SHISA6: variants seen among roughly 807,000 people sequenced by gnomAD.
SHISA6 encodes the protein shisa family member 6, also known as protein shisa-6.
A neutral mutation model predicts 47.9 loss-of-function variants in SHISA6; 22 were observed. That is an observed-to-expected ratio of 0.46 (90% CI 0.33 to 0.66). SHISA6 has a LOEUF of 0.66. Ranked by LOEUF, SHISA6 falls within the 30% of genes least tolerant of loss-of-function variation. The pLI is 0.02. For synonymous variants in SHISA6, 388 were observed against 337.8 expected, an observed-to-expected ratio of 1.15 and a Z score of -1.63; for missense variants, 680 against 764.6, an observed-to-expected ratio of 0.89 and a Z score of 1.30.
intron 2 of SHISA6, chr17:11,289,716 A>C (rs553732023): frequency 6.6e-6 from 1 of 152,060 alleles, no homozygotes; most frequent in East Asian, 1.9e-4. Context: ...TTCTGATTCC[A>C]TTGAGTTTAT....
intron 2 of SHISA6, among the ~76,000 whole-genome samples, chr17:11,313,888 C>T (rs1857513192): frequency 1.3e-5 from 2 of 152,058 alleles, no homozygotes; most frequent in African/African-American, 4.8e-5. Flanking sequence ...TGGCCGGCCA[C>T]TGAAGGTTTT....
chr17:11,535,999 C>CAGAT (rs552766817), intron 3 of SHISA6, among the ~76,000 whole-genome samples: 1 of 151,408 alleles, frequency 6.6e-6, no homozygotes, highest in Non-Finnish European at 1.5e-5. Flanking sequence ...TCTATATATA[C>CAGAT]AGATAGATAG....
intron 2 of SHISA6, among the ~76,000 whole-genome samples, chr17:11,298,155 C>T (rs777875906): frequency 5.9e-5 from 9 of 152,286 alleles, no homozygotes; most frequent in Admixed American, 3.9e-4. Context: ...AAGTTAGTTC[C>T]TTGATAAAGA....
At chr17:11,398,618 G>T (rs1263810383) in intron 3 of SHISA6, among the ~76,000 whole-genome samples, 1 of 151,532 alleles carries the variant, frequency 6.6e-6, no homozygotes, top group Non-Finnish European at 1.5e-5. Flanking sequence ...TTTTTTGACA[G>T]ACTCTCGCTC....
rs190117630 is a variant in SHISA6, at chr17:11,294,753, C to T, written c.799+31227C>T. ...CCTTATATATACCCTGCACAAATCT[C>T]TCTTTGCTTCTTCATAATTTCACCA... On this transcript the variant is annotated intron_variant, in intron 2 of 5. Coordinates refer to ENST00000441885, the MANE Select transcript of SHISA6 (RefSeq NM_207386.4). Among the ~76,000 whole-genome samples, 389 of 152,264 alleles carry T rather than the reference C, an allele frequency of 2.6e-3. 4 individuals are homozygous for T. The highest frequency in any genetic ancestry group is 0.022 in the Admixed American group (340 of 15,288).
Position 11,433,522 on chromosome 17 carries a change from G to T in SHISA6, c.895+54013G>T, listed in dbSNP as rs148291295. Among the ~76,000 whole-genome samples the T allele has an allele frequency of 1.4e-3, 216 of 152,208 alleles. 4 individuals are homozygous for T. The East Asian group carries it at 0.037, about 26-fold the overall frequency. ...TTTGGTTCCAAGTCTTTGCTATTGT[G>T]AACAGTGCCATAATAAACATACATG... On this transcript the variant is annotated intron_variant, in intron 3 of 5. Transcript: ENST00000441885.
intron 2 of SHISA6, among the ~76,000 whole-genome samples, chr17:11,320,667 AAAAG>A (rs1910684481): frequency 1.3e-5 from 1 of 78,476 alleles, no homozygotes; most frequent in South Asian, 3.6e-4. Flanking sequence ...ACCAAAAAAA[AAAAG>A]AGAGAGAGAG....
At chr17:11,345,477 A>T (rs747300064) in intron 2 of SHISA6, among the ~76,000 whole-genome samples, 1 of 152,066 alleles carries the variant, frequency 6.6e-6, no homozygotes, top group African/African-American at 2.4e-5. Context: ...TTTTTGCCTT[A>T]TCACATGCAT....
rs1040349208 is a variant in SHISA6 at position 11,315,478 on chromosome 17, C to T, written c.799+51952C>T. Among the ~76,000 whole-genome samples, 8 of 151,968 alleles carry T rather than the reference C, an allele frequency of 5.3e-5. No individual in the cohort carries two copies. In the South Asian group the frequency reaches 1.0e-3, roughly 20 times the overall value. On this transcript the variant is annotated intron_variant, in intron 2 of 5. Transcript: ENST00000441885. ...CCTCTTTAAAAAAAGAGAAATATAG[C>T]GGTAACAGGCATCCCTTATAGAAAT...
chr17:11,349,716 T>C (rs923981368), intron 2 of SHISA6, among the ~76,000 whole-genome samples: 9 of 152,162 alleles, frequency 5.9e-5, no homozygotes, highest in African/African-American at 2.2e-4. Flanking sequence ...GTCAGTCAGC[T>C]CCACTATCTG....
At chr17:11,452,517 C>A (rs1273175677) in intron 3 of SHISA6, among the ~76,000 whole-genome samples, 2 of 152,152 alleles carry the variant, frequency 1.3e-5, no homozygotes, top group African/African-American at 4.8e-5. Context: ...ATGCTGCAGA[C>A]ACAGGTGGGG....
At chr17:11,363,170 A>T (rs1912341645) in intron 2 of SHISA6, among the ~76,000 whole-genome samples, 1 of 148,616 alleles carries the variant, frequency 6.7e-6, no homozygotes, top group Admixed American at 6.7e-5. Flanking sequence ...TCCTTTCTCC[A>T]TTCCTTCCTG....
At chr17:11,411,687 G>A (rs573043065) in intron 3 of SHISA6, among the ~76,000 whole-genome samples, 13 of 152,256 alleles carry the variant, frequency 8.5e-5, no homozygotes, top group Admixed American at 1.3e-4. Context: ...ATGAGCCACC[G>A]TGCCTGGCCT....
In SHISA6 at chr17:11,370,251, T is replaced by C. The variant is rs1912592214; in HGVS notation, c.800-9163T>C. On this transcript the variant is annotated intron_variant, in intron 2 of 5. Transcript: ENST00000441885. ...TTTTCAAACACTGTATTTTTAGCCA[T>C]GTAACTTTCTTAAGATAATATCTTA... Among the ~76,000 whole-genome samples, 4 of 152,164 alleles carry C rather than the reference T, an allele frequency of 2.6e-5. No individual in the cohort carries two copies. In the South Asian group the frequency reaches 8.3e-4, roughly 32 times the overall value.
chr17:11,415,386 T>C (rs1367774942), intron 3 of SHISA6, among the ~76,000 whole-genome samples: 1 of 152,204 alleles, frequency 6.6e-6, no homozygotes, highest in East Asian at 1.9e-4. Context: ...ATTCTATTTA[T>C]TTATAATCCA....
intron 3 of SHISA6, among the ~76,000 whole-genome samples, chr17:11,551,648 A>T (rs2071932767): frequency 6.6e-6 from 1 of 152,056 alleles, no homozygotes; most frequent in Non-Finnish European, 1.5e-5. Flanking sequence ...AGCCTCTATA[A>T]CTAGTTGGCC....
At chr17:11,393,793 C>T (rs1913471841) in intron 3 of SHISA6, among the ~76,000 whole-genome samples, 1 of 152,170 alleles carries the variant, frequency 6.6e-6, no homozygotes, top group Non-Finnish European at 1.5e-5. Context: ...TGCTTAACAC[C>T]CAGGCATCTT....
chr17:11,471,880 A>G (rs980057332), intron 3 of SHISA6, among the ~76,000 whole-genome samples: 4 of 152,046 alleles, frequency 2.6e-5, no homozygotes, highest in African/African-American at 9.7e-5. Flanking sequence ...AGCTTCCCCC[A>G]TTACCAACAT....
At chr17:11,280,935 T>C (rs1909095060) in intron 2 of SHISA6, among the ~76,000 whole-genome samples, 1 of 152,244 alleles carries the variant, frequency 6.6e-6, no homozygotes, top group Non-Finnish European at 1.5e-5. Context: ...GCATTCATAA[T>C]CACCTTCTTA....
Sources: allele counts gnomAD v4.1 joint callset (sites outside exome capture counted in the v4.1 genomes callset), GRCh38; gene constraint gnomAD v4.1.1; transcripts MANE v1.5; gene names NCBI Gene and HGNC (gene_info 2026-07-23, HGNC 2026-07-21).